SPRING1: variants seen among roughly 807,000 people sequenced by gnomAD.
SPRING1 encodes the protein SREBP regulating gene protein.
Under a neutral mutation model 24.7 loss-of-function variants are expected in SPRING1, and 14 were observed. That is an observed-to-expected ratio of 0.57 (90% CI 0.37 to 0.88). SPRING1 has a LOEUF of 0.88. Ranked by LOEUF, SPRING1 falls within the 40% of genes least tolerant of loss-of-function variation. The probability of loss-of-function intolerance (pLI) is 0.00; values close to 1 mark genes in which losing one functional copy is unlikely to be tolerated. For synonymous variants in SPRING1, 93 were observed against 106.1 expected (o/e 0.88, Z 0.76); for missense variants, 255 against 268.4 (o/e 0.95, Z 0.35).
intron 1 of SPRING1, among the ~76,000 whole-genome samples, chr12:116,737,424 G>C (rs1302468558): frequency 1.3e-5 from 2 of 150,868 alleles, no homozygotes; most frequent in Middle Eastern, 6.4e-3. Flanking sequence ...GAAAGGAGGA[G>C]GACGGAAGGA....
chr12:116,735,857 A>C (rs1339583008), intron 1 of SPRING1, among the ~76,000 whole-genome samples: 2 of 151,714 alleles, frequency 1.3e-5, no homozygotes, highest in African/African-American at 4.8e-5. Flanking sequence ...CATGACCAAC[A>C]TGGAGAAACC....
intron 1 of SPRING1, among the ~76,000 whole-genome samples, chr12:116,725,650 C>T (rs1870649126): frequency 6.6e-6 from 1 of 152,158 alleles, no homozygotes; most frequent in South Asian, 2.1e-4. Context: ...CTTTGGGAGG[C>T]CAAGGCGGGC....
At chr12:116,725,526 TA>T (rs1176486569) in intron 1 of SPRING1, among the ~76,000 whole-genome samples, 2 of 152,184 alleles carry the variant, frequency 1.3e-5, no homozygotes, top group African/African-American at 4.8e-5. Context: ...GTGATAACAT[TA>T]AAAACAGGAT....
intron 1 of SPRING1, 102 bp downstream of exon 1, chr12:116,737,687 AG>A (rs1871334867): frequency 2.4e-6 from 3 of 1,264,674 alleles, no homozygotes; most frequent in South Asian, 3.6e-5. Flanking sequence ...ACAGGGAGGA[AG>A]GAAAAAAGGA....
At chr12:116,734,393 G>A (rs779100608) in intron 1 of SPRING1, among the ~76,000 whole-genome samples, 5 of 152,128 alleles carry the variant, frequency 3.3e-5, no homozygotes, top group Non-Finnish European at 5.9e-5. Flanking sequence ...CTTGAGCGAC[G>A]CATGACTATA....
rs145193139 is a variant in SPRING1 at position 116,717,562 on chromosome 12, C to T, written c.*248G>A. The T allele has an allele frequency of 2.5e-4, 97 of 384,378 alleles. 1 individual carries two copies. In the East Asian group the frequency reaches 4.3e-3, roughly 17 times the overall value. 23.8% of individuals were successfully genotyped at this position (384,378 alleles called of 1,614,324 possible). On this transcript the variant is annotated 3_prime_UTR_variant, in exon 5 of 5. Transcript: ENST00000261318. This position sits in a 1 kb window ranked among gnomAD's most constrained non-coding sequence, Gnocchi z 4.2. ...CCACCACCACCGTGAGCCCGGCCTC[C>T]GGTTTCATCTTTCCCGAATGGGACT...
At chr12:116,719,703 C>G in intron 4 of SPRING1, 60 bp downstream of exon 4, 2 of 1,405,488 alleles carry the variant, frequency 1.4e-6, no homozygotes, top group Non-Finnish European at 2.0e-6. Context: ...TGTGTATTTT[C>G]TAGTTTCCTT....
intron 1 of SPRING1, among the ~76,000 whole-genome samples, chr12:116,731,280 C>T (rs952443328): frequency 6.6e-6 from 1 of 152,148 alleles, no homozygotes; most frequent in Non-Finnish European, 1.5e-5. Context: ...ACTGGCTTGA[C>T]CCCCCATGAC....
chr12:116,732,854 C>A (rs1327982439), intron 1 of SPRING1, among the ~76,000 whole-genome samples: 1 of 152,234 alleles, frequency 6.6e-6, no homozygotes, highest in African/African-American at 2.4e-5. Flanking sequence ...GAGTCCCAGC[C>A]TGAGCCATCA....
At chr12:116,732,931 G>A (rs913473497) in intron 1 of SPRING1, among the ~76,000 whole-genome samples, 2 of 152,096 alleles carry the variant, frequency 1.3e-5, no homozygotes, top group African/African-American at 4.8e-5. Flanking sequence ...ATAGTAAAAT[G>A]GTCAAAGGAC....
In SPRING1 at chr12:116,738,037, C is replaced by T. The variant is rs1871379052; in HGVS notation, c.-137G>A. 2 of 1,096,354 alleles carry T rather than the reference C, an allele frequency of 1.8e-6. No homozygotes were observed. The highest frequency in any genetic ancestry group is 1.7e-5 in the African/African-American group (1 of 59,972). The allele number at this position is 1,096,354 out of a possible 1,614,324, so 67.9% of individuals were successfully genotyped here. ...GCCCCGCCGCCCGCAGCCCAGTCTG[C>T]TCCCGGCAGCCTTGGGCGCAGCCCC... is the stretch of plus-strand genomic sequence containing the variant. On this transcript the variant is annotated 5_prime_UTR_variant, in exon 1 of 5. Transcript: ENST00000261318.
chr12:116,732,278 C>A (rs1871011479), intron 1 of SPRING1, among the ~76,000 whole-genome samples: 1 of 152,138 alleles, frequency 6.6e-6, no homozygotes, highest in African/African-American at 2.4e-5. Context: ...ATTTTTAATC[C>A]CTTTTTAAAA....
At chr12:116,729,694 T>C (rs2137042006) in intron 1 of SPRING1, among the ~76,000 whole-genome samples, 1 of 152,308 alleles carries the variant, frequency 6.6e-6, no homozygotes, top group African/African-American at 2.4e-5. Context: ...GAAAACATTA[T>C]GCTAAATGCA....
In SPRING1 at chr12:116,712,390, C is replaced by A. The variant is rs894840517; in HGVS notation, c.*5420G>T. 2 of 152,210 alleles carry A rather than the reference C, an allele frequency of 1.3e-5. No homozygotes were observed. Among genetic ancestry groups the A allele is most frequent in the Non-Finnish European group, 2.9e-5 (2 of 68,048 alleles). The allele number at this position is 152,210 out of a possible 1,614,324, so 9.4% of individuals were successfully genotyped here. ...CGGCGACCACTTGCTCCACTTTGCT[C>A]TGTGACAGCAGACGAGGTAAGGCAT... On this transcript the variant is annotated 3_prime_UTR_variant, in exon 5 of 5. Coordinates refer to ENST00000261318, the MANE Select transcript of SPRING1 (RefSeq NM_024738.4).
chr12:116,727,573 A>T (rs891342820), intron 1 of SPRING1, among the ~76,000 whole-genome samples: 3 of 150,544 alleles, frequency 2.0e-5, no homozygotes, highest in East Asian at 1.9e-4. Context: ...CCTCAGAAAA[A>T]GAGGGGAGGG....
chr12:116,729,023 G>C (rs1486755720), intron 1 of SPRING1, among the ~76,000 whole-genome samples: 2 of 152,166 alleles, frequency 1.3e-5, no homozygotes, highest in Admixed American at 1.3e-4. Flanking sequence ...GTTTATTTTA[G>C]ATCGTTTTTA....
In SPRING1 at chr12:116,720,131, C is replaced by T; in HGVS notation, c.420+165G>A. The T allele has an allele frequency of 1.1e-6, 1 of 925,832 alleles. No homozygotes were observed. Among genetic ancestry groups the T allele is most frequent in the Non-Finnish European group, 1.6e-6 (1 of 627,534 alleles). 57.4% of individuals were successfully genotyped at this position (925,832 alleles called of 1,614,324 possible). Reference sequence around the variant, plus strand: ...AACCATTCAAGCAACTGGGAACCACCTCCTTTCCTTAGATAAAAGCTATTG... The same window carrying T: ...AACCATTCAAGCAACTGGGAACCACTTCCTTTCCTTAGATAAAAGCTATTG... On this transcript the variant is annotated intron_variant, in intron 3 of 4. Transcript: ENST00000261318. The surrounding 1 kb of genome is among the most constrained non-coding windows in gnomAD (Gnocchi z 4.0).
At position 116,714,299 on chromosome 12, in the gene SPRING1, T is replaced by C. The variant is rs551556631; in HGVS notation, c.*3511A>G. The C allele has an allele frequency of 3.3e-5, 5 of 152,344 alleles. No homozygotes were observed. Among genetic ancestry groups the C allele is most frequent in the South Asian group, 2.1e-4 (1 of 4,826 alleles). 9.4% of individuals were successfully genotyped at this position (152,344 alleles called of 1,614,324 possible). A position where few individuals can be genotyped will look rare whatever the true frequency, so the allele number is the denominator to read the frequency against. Reference sequence around the variant, plus strand: ...AGTACCTCCCTGTGTTTACAACTTATCTGCTGATCCCAAGGATGGGAAAAG... The same window carrying C: ...AGTACCTCCCTGTGTTTACAACTTACCTGCTGATCCCAAGGATGGGAAAAG... On this transcript the variant is annotated 3_prime_UTR_variant, in exon 5 of 5. Coordinates refer to ENST00000261318, the MANE Select transcript of SPRING1 (RefSeq NM_024738.4).
chr12:116,721,722 TTAAG>T (rs1185428188), intron 2 of SPRING1, among the ~76,000 whole-genome samples: 6 of 152,240 alleles, frequency 3.9e-5, no homozygotes, highest in Non-Finnish European at 8.8e-5. Flanking sequence ...CAAAATGTAA[TTAAG>T]TTAGTTAGCA....
Sources: allele counts gnomAD v4.1 joint callset (sites outside exome capture counted in the v4.1 genomes callset), GRCh38; gene constraint gnomAD v4.1.1; non-coding constraint Gnocchi (gnomAD v3.1); transcripts MANE v1.5; gene names NCBI Gene and HGNC (gene_info 2026-07-23, HGNC 2026-07-21).